The following MACROD2 variants were observed in gnomAD, a reference collection of about 807,000 sequenced individuals.
MACROD2 encodes the protein ADP-ribose glycohydrolase MACROD2.
A neutral mutation model predicts 70.4 loss-of-function variants in MACROD2; 36 were observed. The observed-to-expected ratio is 0.51, with a 90% confidence interval of 0.39 to 0.68. The LOEUF is 0.68. Among genes scored for constraint, MACROD2 ranks in the 30% least tolerant of loss-of-function variants. The probability of loss-of-function intolerance (pLI) is 0.00; values close to 1 mark genes in which losing one functional copy is unlikely to be tolerated. For synonymous variants in MACROD2, 172 were observed against 178.8 expected (o/e 0.96, Z 0.30); for missense variants, 496 against 538.4 (o/e 0.92, Z 0.78).
chr20:15,628,972 C>G (rs2049247970), intron 8 of MACROD2, among the ~76,000 whole-genome samples: 1 of 152,214 alleles, frequency 6.6e-6, no homozygotes, highest in African/African-American at 2.4e-5. Flanking sequence ...TATTCTATCA[C>G]ATTATGTAAA....
chr20:14,618,195 A>G (rs1025328074), intron 4 of MACROD2, among the ~76,000 whole-genome samples: 4 of 152,028 alleles, frequency 2.6e-5, no homozygotes, highest in Admixed American at 2.0e-4. Context: ...TACTGAATGG[A>G]TGAATTGATG....
intron 2 of MACROD2, among the ~76,000 whole-genome samples, chr20:14,043,227 G>C (rs2053419355): frequency 6.6e-6 from 1 of 152,094 alleles, no homozygotes; most frequent in Non-Finnish European, 1.5e-5. Context: ...GCTCCCCTGG[G>C]TTGTTTTACC....
At chr20:14,995,422 TC>T (rs780187487) in intron 5 of MACROD2, among the ~76,000 whole-genome samples, 1 of 151,986 alleles carries the variant, frequency 6.6e-6, no homozygotes, top group Non-Finnish European at 1.5e-5. Context: ...ACACCTGTAA[TC>T]CCCACACTTT....
intron 5 of MACROD2, among the ~76,000 whole-genome samples, chr20:15,075,123 T>C (rs2075648313): frequency 6.6e-6 from 1 of 152,138 alleles, no homozygotes; most frequent in Non-Finnish European, 1.5e-5. Context: ...CTAAAGCCAG[T>C]ATAGTAACAT....
At chr20:14,322,703 G>C (rs1159992488) in intron 3 of MACROD2, among the ~76,000 whole-genome samples, 1 of 152,096 alleles carries the variant, frequency 6.6e-6, no homozygotes, top group Non-Finnish European at 1.5e-5. Flanking sequence ...ATATCTCCTT[G>C]TCAGTAGAGG....
At chr20:15,903,746 G>A (rs1268565483) in intron 10 of MACROD2, among the ~76,000 whole-genome samples, 3 of 152,224 alleles carry the variant, frequency 2.0e-5, no homozygotes, top group Non-Finnish European at 4.4e-5. Context: ...GAGATAGGAC[G>A]TGCTCTAACT....
intron 4 of MACROD2, among the ~76,000 whole-genome samples, chr20:14,538,090 C>A (rs935227441): frequency 5.9e-5 from 9 of 152,156 alleles, no homozygotes; most frequent in Non-Finnish European, 1.2e-4. Context: ...ATAATCAGAA[C>A]AATCCCATGA....
chr20:14,447,954 G>A (rs1431101163), intron 3 of MACROD2, among the ~76,000 whole-genome samples: 3 of 148,560 alleles, frequency 2.0e-5, no homozygotes, highest in Non-Finnish European at 4.5e-5. Flanking sequence ...GACAGTAGAA[G>A]AGCACTTGAG....
chr20:14,002,735 T>G (rs2052750427), intron 2 of MACROD2, among the ~76,000 whole-genome samples: 1 of 152,166 alleles, frequency 6.6e-6, no homozygotes, highest in Admixed American at 6.5e-5. Flanking sequence ...GAGTTTGCTT[T>G]AAGTTCATTT....
At chr20:15,724,858 G>A (rs922732759) in intron 8 of MACROD2, among the ~76,000 whole-genome samples, 9 of 152,098 alleles carry the variant, frequency 5.9e-5, no homozygotes, top group South Asian at 2.1e-4. Flanking sequence ...TGAGGCAGGC[G>A]GATCACGAGG....
chr20:15,282,435 A>T (rs919789039), intron 6 of MACROD2, among the ~76,000 whole-genome samples: 2 of 152,172 alleles, frequency 1.3e-5, no homozygotes, highest in Admixed American at 1.3e-4. Flanking sequence ...AATGCATAAA[A>T]CTGAATGCTT....
chr20:15,066,437 A>G (rs2075576016), intron 5 of MACROD2, among the ~76,000 whole-genome samples: 1 of 151,974 alleles, frequency 6.6e-6, no homozygotes, highest in Non-Finnish European at 1.5e-5. Context: ...CCCAGCCAAC[A>G]AGAGCTGCTG....
At chr20:14,168,665 A>G (rs2081192526) in intron 3 of MACROD2, among the ~76,000 whole-genome samples, 1 of 152,190 alleles carries the variant, frequency 6.6e-6, no homozygotes, top group African/African-American at 2.4e-5. Flanking sequence ...TATCCACTAC[A>G]GTATTATACA....
intron 5 of MACROD2, among the ~76,000 whole-genome samples, chr20:15,119,659 C>A (rs1010500671): frequency 6.6e-6 from 1 of 152,212 alleles, no homozygotes; most frequent in Non-Finnish European, 1.5e-5. Flanking sequence ...TGTGACCACA[C>A]ATATATAGCA....
At chr20:14,494,533 A>G (rs2123108159) in intron 4 of MACROD2, among the ~76,000 whole-genome samples, 1 of 152,266 alleles carries the variant, frequency 6.6e-6, no homozygotes, top group East Asian at 1.9e-4. Context: ...GTATCATGAA[A>G]TGAGTGTGGG....
chr20:15,139,410 A>G lies in MACROD2; in HGVS notation c.419-90530A>G, dbSNP rs146647490. ...GGGGGGGTGTCGTAGGGGAATGTGC[A>G]TTAAATCTGAAATGGTCTCATGCTT... On this transcript the variant is annotated intron_variant, in intron 5 of 17. Coordinates refer to ENST00000684519, the MANE Select transcript of MACROD2 (RefSeq NM_001351661.2). Among the ~76,000 whole-genome samples the G allele has an allele frequency of 1.4e-4, 21 of 152,242 alleles. No homozygotes were observed. In the East Asian group the frequency reaches 3.9e-3, roughly 28 times the overall value.
At chr20:14,606,149 A>G (rs1442407276) in intron 4 of MACROD2, among the ~76,000 whole-genome samples, 1 of 152,180 alleles carries the variant, frequency 6.6e-6, no homozygotes, top group Non-Finnish European at 1.5e-5. Flanking sequence ...GAAAAAAATG[A>G]ATTTAACTGT....
intron 5 of MACROD2, among the ~76,000 whole-genome samples, chr20:15,016,873 G>A (rs946018447): frequency 6.6e-6 from 1 of 152,090 alleles, no homozygotes; most frequent in African/African-American, 2.4e-5. Flanking sequence ...GCACAAAAAA[G>A]ACCAGCCCCC....
intron 5 of MACROD2, among the ~76,000 whole-genome samples, chr20:15,184,457 T>C (rs2076521529): frequency 6.6e-6 from 1 of 152,238 alleles, no homozygotes; most frequent in Non-Finnish European, 1.5e-5. Context: ...TAAAGGTTTA[T>C]TTCTCATTCA....
Sources: allele counts gnomAD v4.1 joint callset (sites outside exome capture counted in the v4.1 genomes callset), GRCh38; gene constraint gnomAD v4.1.1; transcripts MANE v1.5; gene names NCBI Gene and HGNC (gene_info 2026-07-23, HGNC 2026-07-21).